ARHGAP6: variants seen among roughly 807,000 people sequenced by gnomAD.
ARHGAP6 encodes the protein Rho GTPase activating protein 6, also known as rho GTPase-activating protein 6.
A neutral mutation model predicts 55.7 loss-of-function variants in ARHGAP6; 16 were observed. The ratio of observed to expected loss-of-function variants is 0.29; its 90% confidence interval spans 0.19 to 0.44. ARHGAP6 has a LOEUF of 0.44. Among genes scored for constraint, ARHGAP6 ranks in the 20% least tolerant of loss-of-function variants. The pLI, the probability that ARHGAP6 is intolerant of heterozygous loss-of-function variation, is 1.00. For synonymous variants in ARHGAP6, 382 were observed against 360.9 expected (o/e 1.06, Z -0.66); for missense variants, 698 against 808.9 (o/e 0.86, Z 1.66).
Position 11,591,208 on chromosome X carries a change from A to G in ARHGAP6, c.588+73033T>C, listed in dbSNP as rs1450982964. ...CTCGTCTCAAAAAAAAATAAAAATA[A>G]ATAAAATAAATATATAAATAAATAA... On this transcript the variant is annotated intron_variant, in intron 1 of 12. Transcript: ENST00000337414. Among the ~76,000 whole-genome samples the G allele has an allele frequency of 4.6e-5, 5 of 109,712 alleles. No homozygotes were observed. The Admixed American group carries it at 4.9e-4, about 11-fold the overall frequency.
intron 2 of ARHGAP6, among the ~76,000 whole-genome samples, chrX:11,252,632 T>C (rs2047438775): frequency 8.9e-6 from 1 of 112,597 alleles, no homozygotes; most frequent in Admixed American, 9.3e-5. Context: ...AGGGTGGGGA[T>C]TTCCTCTTGG....
At chrX:11,518,173 G>GAAAAGACCT (rs1482256446) in intron 1 of ARHGAP6, among the ~76,000 whole-genome samples, 1 of 109,802 alleles carries the variant, frequency 9.1e-6, no homozygotes, top group East Asian at 2.9e-4. Context: ...CAGGGTCTTG[G>GAAAAGACCT]TCTATCACCC....
chrX:11,520,386 C>T (rs924014716), intron 1 of ARHGAP6, among the ~76,000 whole-genome samples: 2 of 102,880 alleles, frequency 1.9e-5, no homozygotes, highest in African/African-American at 7.1e-5. Flanking sequence ...TGTTCAATTT[C>T]GACCTATGAG....
intron 1 of ARHGAP6, chrX:11,300,483 T>C: frequency 1.8e-6 from 1 of 554,435 alleles, no homozygotes; most frequent in South Asian, 3.7e-5. Flanking sequence ...TCAGAAATTA[T>C]AGAGTTCAAC....
chrX:11,221,121 C>T (rs1345765438), intron 2 of ARHGAP6, among the ~76,000 whole-genome samples: 2 of 112,422 alleles, frequency 1.8e-5, no homozygotes, highest in Admixed American at 1.9e-4. Flanking sequence ...TTTCAAAAAA[C>T]CAACTCCTGG....
chrX:11,359,284 C>A (rs1184879134), intron 1 of ARHGAP6, among the ~76,000 whole-genome samples: 1 of 111,956 alleles, frequency 8.9e-6, no homozygotes, highest in Non-Finnish European at 1.9e-5. Flanking sequence ...GAATTAGTGA[C>A]ACCAAAAACA....
intron 1 of ARHGAP6, among the ~76,000 whole-genome samples, chrX:11,566,196 A>G (rs1299160548): frequency 3.6e-5 from 4 of 112,383 alleles, no homozygotes; most frequent in Non-Finnish European, 7.5e-5. Flanking sequence ...GGCTGACAGC[A>G]ACAGTGAAGG....
In ARHGAP6 at chrX:11,583,987, G is replaced by GA. The variant is rs74509682; in HGVS notation, c.588+80253dup. Among the ~76,000 whole-genome samples, 15 of 111,841 alleles carry GA rather than the reference G, an allele frequency of 1.3e-4. No individual in the cohort carries two copies. The East Asian group carries it at 3.1e-3, about 23-fold the overall frequency. On this transcript the variant is annotated intron_variant, in intron 1 of 12. Coordinates refer to ENST00000337414, the MANE Select transcript of ARHGAP6 (RefSeq NM_013427.3). ...ACCAGAAGTCTTCAGCAACATATAA[G>GA]AAAAGATTTCTTTAAAGCCTTAAAT... is the stretch of plus-strand genomic sequence containing the variant.
chrX:11,415,077 A>G (rs760879847), intron 1 of ARHGAP6, among the ~76,000 whole-genome samples: 4 of 112,235 alleles, frequency 3.6e-5, no homozygotes, highest in Non-Finnish European at 7.5e-5. Context: ...GATTATCTCA[A>G]TTTAGCCATT....
intron 1 of ARHGAP6, among the ~76,000 whole-genome samples, chrX:11,359,355 G>C (rs1438589539): frequency 8.9e-6 from 1 of 111,914 alleles, no homozygotes; most frequent in Non-Finnish European, 1.9e-5. Flanking sequence ...CAGATTTTCA[G>C]GATAAGAAAC....
At chrX:11,311,337 A>G (rs900233370) in intron 1 of ARHGAP6, among the ~76,000 whole-genome samples, 4 of 111,856 alleles carry the variant, frequency 3.6e-5, no homozygotes, top group Non-Finnish European at 5.6e-5. Context: ...GTTTGTTTCC[A>G]TATCCTTCAT....
intron 3 of ARHGAP6, among the ~76,000 whole-genome samples, chrX:11,194,364 A>C (rs1449007863): frequency 9.0e-6 from 1 of 111,623 alleles, no homozygotes; most frequent in African/African-American, 3.3e-5. Flanking sequence ...TATGGATCAA[A>C]ATTCTTATCT....
chrX:11,468,748 TAA>T, intron 1 of ARHGAP6, among the ~76,000 whole-genome samples: 1 of 112,303 alleles, frequency 8.9e-6, no homozygotes, highest in East Asian at 2.8e-4. Context: ...GAATTGATGC[TAA>T]GTGGCAATTT....
chrX:11,410,071 C>A (rs968786692), intron 1 of ARHGAP6, among the ~76,000 whole-genome samples: 4 of 112,223 alleles, frequency 3.6e-5, no homozygotes, highest in African/African-American at 1.3e-4. Context: ...GGCGGCTCCT[C>A]AAATAGTTAA....
At chrX:11,582,385 G>C (rs111301397) in intron 1 of ARHGAP6, among the ~76,000 whole-genome samples, 2,208 of 111,921 alleles carry the variant, frequency 0.02, 31 homozygotes, top group Middle Eastern at 0.065. Context: ...TACTAGGGCT[G>C]GCCAATGTTT....
intron 1 of ARHGAP6, among the ~76,000 whole-genome samples, chrX:11,457,376 C>G (rs1424415541): frequency 1.8e-5 from 2 of 111,188 alleles, no homozygotes; most frequent in Admixed American, 9.5e-5. Flanking sequence ...GCTTAGAGAA[C>G]CGAAATCTTT....
intron 2 of ARHGAP6, among the ~76,000 whole-genome samples, chrX:11,208,656 A>G (rs1331756710): frequency 1.8e-5 from 2 of 111,973 alleles, no homozygotes; most frequent in Non-Finnish European, 3.8e-5. Flanking sequence ...GAGTTATGCT[A>G]GATAGTTAAT....
At chrX:11,489,540 A>G (rs773649482) in intron 1 of ARHGAP6, among the ~76,000 whole-genome samples, 28 of 112,676 alleles carry the variant, frequency 2.5e-4, no homozygotes, top group African/African-American at 8.7e-4. Context: ...GGCATAAACC[A>G]TACTTAAACA....
chrX:11,214,299 A>C (rs750893030), intron 2 of ARHGAP6, among the ~76,000 whole-genome samples: 10 of 110,687 alleles, frequency 9.0e-5, no homozygotes, highest in African/African-American at 2.9e-4. Context: ...GTGTGTGCAC[A>C]TACATATATA....
Sources: allele counts gnomAD v4.1 joint callset (sites outside exome capture counted in the v4.1 genomes callset), GRCh38; gene constraint gnomAD v4.1.1; transcripts MANE v1.5; gene names NCBI Gene and HGNC (gene_info 2026-07-23, HGNC 2026-07-21).